Variants in SAMD3 observed in about 807,000 individuals in gnomAD.
SAMD3 encodes sterile alpha motif domain containing 3, also known as sterile alpha motif domain-containing protein 3.
In SAMD3, 63 loss-of-function variants were observed where a neutral mutation model predicts 58.5. The ratio of observed to expected loss-of-function variants is 1.08; its 90% CI spans 0.88 to 1.33. The LOEUF is 1.33. SAMD3 is among the 40% of genes most tolerant of loss of function. SAMD3 has a pLI of 0.00. For missense variants in SAMD3, 604 were observed against 608.4 expected, an observed-to-expected ratio of 0.99 and a Z score of 0.08; for synonymous variants, 220 against 210.3, an observed-to-expected ratio of 1.05 and a Z score of -0.40.
intron 1 of SAMD3, among the ~76,000 whole-genome samples, chr6:130,329,035 T>C (rs1776842640): frequency 6.9e-6 from 1 of 145,036 alleles, no homozygotes; most frequent in Non-Finnish European, 1.5e-5. Context: ...CCAATATCTC[T>C]CTCTCTCCCT....
intron 2 of SAMD3, among the ~76,000 whole-genome samples, chr6:130,237,870 A>G (rs1283731095): frequency 6.6e-6 from 1 of 152,166 alleles, no homozygotes; most frequent in Non-Finnish European, 1.5e-5. Flanking sequence ...TGTGATTATT[A>G]AAAGGAACGC....
chr6:130,264,277 G>C (rs6909868), intron 2 of SAMD3, among the ~76,000 whole-genome samples: 47,245 of 152,018 alleles, frequency 0.31, 7,717 homozygotes, highest in East Asian at 0.47. Context: ...CGGTTCAGCT[G>C]CCAAAGGCCA....
chr6:130,219,373 G>A (rs886879050), intron 1 of SAMD3, among the ~76,000 whole-genome samples: 4 of 152,018 alleles, frequency 2.6e-5, no homozygotes, highest in African/African-American at 9.7e-5. Context: ...GGGAACAAGT[G>A]GTGTTTGGTT....
At chr6:130,215,895 G>T in intron 2 of SAMD3, 15 of 1,437,696 alleles carry the variant, frequency 1.0e-5, no homozygotes, top group Non-Finnish European at 1.3e-5. Context: ...TTTCTCTGGA[G>T]AATCTGAATG....
chr6:130,267,512 C>T lies in SAMD3; in HGVS notation c.-187-44699G>A, dbSNP rs11154552. On this transcript the variant is annotated intron_variant, in intron 2 of 13. Transcript: ENST00000368134. ...GTCTCAAAGTGGGGAAATGAGAGAA[C>T]AGAGACAGACCCTCTCATACTGTTT... Among the ~76,000 whole-genome samples, 8 of 151,934 alleles carry T rather than the reference C, an allele frequency of 5.3e-5. No homozygotes were observed. In the East Asian group the frequency reaches 1.4e-3, roughly 26 times the overall value.
At chr6:130,240,432 T>C (rs1396955541) in intron 2 of SAMD3, among the ~76,000 whole-genome samples, 3 of 152,232 alleles carry the variant, frequency 2.0e-5, no homozygotes, top group African/African-American at 7.2e-5. Context: ...CACAGACGTC[T>C]GTGGGATCAG....
chr6:130,242,921 G>T (rs916579459), intron 2 of SAMD3, among the ~76,000 whole-genome samples: 2 of 152,228 alleles, frequency 1.3e-5, no homozygotes, highest in African/African-American at 4.8e-5. Flanking sequence ...TCAACAGCAG[G>T]TGTCAGCTGT....
intron 10 of SAMD3, 80 bp downstream of exon 10, chr6:130,145,930 A>T: frequency 2.5e-6 from 2 of 816,324 alleles, no homozygotes; most frequent in Non-Finnish European, 3.4e-6. Flanking sequence ...ACTGAATTTT[A>T]CTGACTACCA....
intron 8 of SAMD3, among the ~76,000 whole-genome samples, chr6:130,155,447 C>T (rs1050952112): frequency 6.6e-6 from 1 of 151,982 alleles, no homozygotes; most frequent in African/African-American, 2.4e-5. Flanking sequence ...AGCTGCAGTA[C>T]CATGCCATAT....
upstream of SAMD3, among the ~76,000 whole-genome samples, chr6:130,224,363 G>A (rs1166018818): frequency 6.6e-6 from 1 of 151,924 alleles, no homozygotes; most frequent in Non-Finnish European, 1.5e-5. Context: ...ATGGGTACAG[G>A]CCTGAGGGTG....
At chr6:130,364,347 C>G (rs1354413142) in intron 1 of SAMD3, among the ~76,000 whole-genome samples, 1 of 151,928 alleles carries the variant, frequency 6.6e-6, no homozygotes, top group Admixed American at 6.5e-5. Context: ...AAACGTTTTA[C>G]CATGGGTCTT....
intron 1 of SAMD3, among the ~76,000 whole-genome samples, chr6:130,361,874 C>A (rs530513710): frequency 1.3e-5 from 2 of 152,148 alleles, no homozygotes; most frequent in African/African-American, 4.8e-5. Flanking sequence ...TGCTACATGC[C>A]GACCCAAATG....
At chr6:130,337,269 A>T (rs904419644) in intron 1 of SAMD3, among the ~76,000 whole-genome samples, 4 of 152,136 alleles carry the variant, frequency 2.6e-5, no homozygotes, top group African/African-American at 9.7e-5. Context: ...TTCCTCCTGC[A>T]CACACTTTTC....
chr6:130,306,347 A>G (rs910266633), intron 2 of SAMD3, among the ~76,000 whole-genome samples: 3 of 152,240 alleles, frequency 2.0e-5, no homozygotes, highest in African/African-American at 7.2e-5. Flanking sequence ...TAGAGGAACA[A>G]AAAAGGAAAG....
At chr6:130,204,468 G>A (rs1262114302) in intron 5 of SAMD3, among the ~76,000 whole-genome samples, 3 of 152,082 alleles carry the variant, frequency 2.0e-5, no homozygotes, top group Non-Finnish European at 4.4e-5. Flanking sequence ...TTAGCAGTGT[G>A]TGGCAGTGCA....
chr6:130,157,141 T>C (rs1789863180), intron 8 of SAMD3, among the ~76,000 whole-genome samples: 1 of 151,592 alleles, frequency 6.6e-6, no homozygotes, highest in Non-Finnish European at 1.5e-5. Context: ...AGTTCCATAA[T>C]TTTACTTGGA....
upstream of SAMD3, among the ~76,000 whole-genome samples, chr6:130,226,175 A>G (rs1046598777): frequency 2.0e-5 from 3 of 152,214 alleles, no homozygotes; most frequent in African/African-American, 7.2e-5. Flanking sequence ...TGAAGGGTGC[A>G]GAGGTTGCTG....
At chr6:130,205,607 A>C (rs986340135) in intron 5 of SAMD3, among the ~76,000 whole-genome samples, 1 of 152,168 alleles carries the variant, frequency 6.6e-6, no homozygotes, top group Non-Finnish European at 1.5e-5. Flanking sequence ...CTCAGCCCCA[A>C]GTTCCATTTT....
intron 1 of SAMD3, among the ~76,000 whole-genome samples, chr6:130,318,083 G>A (rs1284680555): frequency 1.3e-5 from 2 of 152,128 alleles, no homozygotes; most frequent in South Asian, 2.1e-4. Context: ...CCAAGGCTGG[G>A]GGCAAGAATC....
Sources: allele counts gnomAD v4.1 joint callset (sites outside exome capture counted in the v4.1 genomes callset), GRCh38; gene constraint gnomAD v4.1.1; transcripts MANE v1.5; gene names NCBI Gene and HGNC (gene_info 2026-07-23, HGNC 2026-07-21).